TTC28: variants seen among roughly 807,000 people sequenced by gnomAD.
TTC28 encodes tetratricopeptide repeat domain 28, also known as tetratricopeptide repeat protein 28.
A neutral mutation model predicts 198.0 loss-of-function variants in TTC28; 61 were observed. The observed-to-expected ratio is 0.31, with a 90% CI of 0.25 to 0.38. The LOEUF (loss-of-function observed/expected upper bound fraction) is 0.38, where lower values mean the gene tolerates loss of function less well. TTC28 is among the 10% of genes least tolerant of loss of function. The probability of loss-of-function intolerance (pLI) is 1.00; values close to 1 mark genes in which losing one functional copy is unlikely to be tolerated. For missense variants in TTC28, 2,678 were observed against 3,164.0 expected, an observed-to-expected ratio of 0.85 and a Z score of 3.69; for synonymous variants, 1,171 against 1,297.8, an observed-to-expected ratio of 0.90 and a Z score of 2.10.
chr22:28,153,977 C>T (rs1328602985), intron 6 of TTC28, among the ~76,000 whole-genome samples: 1 of 152,092 alleles, frequency 6.6e-6, no homozygotes, highest in Non-Finnish European at 1.5e-5. Flanking sequence ...ACCTTTGTAT[C>T]TATGGCAGGT....
In TTC28 at chr22:28,300,909, C is replaced by T. The variant is rs116269148; in HGVS notation, c.530-3057G>A. ...CACTGAGCTAAATACATACAGACAC[C>T]TGTATTTAAAAGTCACATAGCCTCA... is the stretch of plus-strand genomic sequence containing the variant. On this transcript the variant is annotated intron_variant, in intron 3 of 22. Transcript: ENST00000397906. Among the ~76,000 whole-genome samples, 263 of 152,210 alleles carry T rather than the reference C, an allele frequency of 1.7e-3. 2 individuals carry two copies. Among genetic ancestry groups the T allele is most frequent in the African/African-American group, 6.2e-3 (256 of 41,532 alleles).
chr22:28,281,044 T>C (rs2044573573), intron 5 of TTC28, among the ~76,000 whole-genome samples: 1 of 152,180 alleles, frequency 6.6e-6, no homozygotes, highest in African/African-American at 2.4e-5. Flanking sequence ...AATTGGTTTA[T>C]AGTAGAATAT....
chr22:28,423,215 C>A (rs1351588947), intron 2 of TTC28, among the ~76,000 whole-genome samples: 1 of 151,998 alleles, frequency 6.6e-6, no homozygotes, highest in Non-Finnish European at 1.5e-5. Flanking sequence ...CATGGTGAAA[C>A]CCCGTCTCTA....
rs147187341 is a variant in TTC28, at chr22:28,299,414, T to C, written c.530-1562A>G. Reference sequence around the variant, plus strand: ...AGAAATCTTGAAACCTGGAAACCTGTGGGTGCCTAAAGCATTTTTTTCCTT... The same window carrying C: ...AGAAATCTTGAAACCTGGAAACCTGCGGGTGCCTAAAGCATTTTTTTCCTT... On this transcript the variant is annotated intron_variant, in intron 3 of 22. Coordinates refer to ENST00000397906, the MANE Select transcript of TTC28 (RefSeq NM_001145418.2). Among the ~76,000 whole-genome samples the C allele has an allele frequency of 3.2e-3, 490 of 152,236 alleles. 2 individuals carry two copies. The highest frequency in any genetic ancestry group is 9.1e-3 in the East Asian group (47 of 5,176).
At chr22:28,483,778 T>C (rs2048282770) in intron 2 of TTC28, among the ~76,000 whole-genome samples, 1 of 152,196 alleles carries the variant, frequency 6.6e-6, no homozygotes, top group Admixed American at 6.5e-5. Flanking sequence ...AAATCATAAA[T>C]AGCTCAAAGT....
chr22:28,397,838 T>C (rs2046841265), intron 2 of TTC28, among the ~76,000 whole-genome samples: 1 of 152,192 alleles, frequency 6.6e-6, no homozygotes, highest in Non-Finnish European at 1.5e-5. Flanking sequence ...GAAATCCAGA[T>C]CATATGAATT....
At chr22:28,040,762 AG>A (rs1163524214) in intron 12 of TTC28, among the ~76,000 whole-genome samples, 37 of 152,214 alleles carry the variant, frequency 2.4e-4, no homozygotes, top group Admixed American at 2.2e-3. Context: ...AAAGAAATAA[AG>A]GGTATTCAAT....
intron 10 of TTC28, among the ~76,000 whole-genome samples, chr22:28,098,331 G>C (rs1188763413): frequency 6.6e-6 from 1 of 152,164 alleles, no homozygotes; most frequent in African/African-American, 2.4e-5. Flanking sequence ...ACACGCTAGT[G>C]GTGAGAGGGA....
intron 12 of TTC28, among the ~76,000 whole-genome samples, chr22:28,045,099 C>G (rs1939810581): frequency 6.6e-6 from 1 of 152,156 alleles, no homozygotes; most frequent in East Asian, 1.9e-4. Flanking sequence ...TGATGTGGCT[C>G]TCAAACCCTC....
chr22:28,207,693 C>T (rs1438203891), intron 5 of TTC28, among the ~76,000 whole-genome samples: 1 of 152,114 alleles, frequency 6.6e-6, no homozygotes, highest in Non-Finnish European at 1.5e-5. Context: ...GGAGAGCTAA[C>T]GCAGAGACAT....
intron 5 of TTC28, among the ~76,000 whole-genome samples, chr22:28,269,574 C>A (rs1360479082): frequency 3.3e-5 from 5 of 152,100 alleles, no homozygotes; most frequent in Non-Finnish European, 1.5e-5. Flanking sequence ...TAAAACCCTG[C>A]ATGAAAAAAT....
intron 13 of TTC28, among the ~76,000 whole-genome samples, chr22:28,017,709 A>G (rs1399480266): frequency 6.6e-6 from 1 of 152,034 alleles, no homozygotes; most frequent in African/African-American, 2.4e-5. Context: ...AGTACCTCTT[A>G]CCTCTTTAAA....
intron 5 of TTC28, among the ~76,000 whole-genome samples, chr22:28,185,164 T>C (rs1329783673): frequency 2.0e-5 from 3 of 152,146 alleles, no homozygotes; most frequent in African/African-American, 7.2e-5. Flanking sequence ...TACACAAAAA[T>C]TCACTCTTGT....
At chr22:28,651,517 G>C (rs2051563886) in intron 1 of TTC28, among the ~76,000 whole-genome samples, 1 of 152,106 alleles carries the variant, frequency 6.6e-6, no homozygotes, top group South Asian at 2.1e-4. Context: ...CCAGGTTCAG[G>C]CAATCCTCCT....
At chr22:28,156,948 A>G (rs1943762192) in intron 6 of TTC28, among the ~76,000 whole-genome samples, 1 of 152,202 alleles carries the variant, frequency 6.6e-6, no homozygotes, top group Non-Finnish European at 1.5e-5. Context: ...AAAAATTAAG[A>G]TCAGAGCAGA....
intron 12 of TTC28, among the ~76,000 whole-genome samples, chr22:28,047,543 C>T (rs577924287): frequency 6.6e-6 from 1 of 152,178 alleles, no homozygotes; most frequent in Non-Finnish European, 1.5e-5. Flanking sequence ...CTCTAAAGCG[C>T]CCACAAAAAG....
intron 12 of TTC28, among the ~76,000 whole-genome samples, chr22:28,037,784 A>C (rs1939428636): frequency 6.6e-6 from 1 of 152,246 alleles, no homozygotes; most frequent in African/African-American, 2.4e-5. Context: ...GTCTCAGCCC[A>C]AAATCTCCTT....
At chr22:28,167,862 GA>G (rs1173372868) in intron 5 of TTC28, among the ~76,000 whole-genome samples, 2 of 152,152 alleles carry the variant, frequency 1.3e-5, no homozygotes, top group Non-Finnish European at 2.9e-5. Flanking sequence ...ATTCAATTAG[GA>G]AAAGAGGAAG....
At chr22:28,297,236 G>T (rs1197620904) in intron 4 of TTC28, among the ~76,000 whole-genome samples, 1 of 152,040 alleles carries the variant, frequency 6.6e-6, no homozygotes, top group Non-Finnish European at 1.5e-5. Context: ...TTAAGAGACA[G>T]GGTTTTGCTC....
Sources: gnomAD v4.1 joint callset for allele counts (sites outside exome capture counted in the v4.1 genomes callset) on GRCh38, gnomAD v4.1.1 for gene constraint, MANE v1.5 for transcripts, NCBI Gene and HGNC (gene_info 2026-07-23, HGNC 2026-07-21) for gene names.